The following CCDC85C variants were observed in gnomAD, a reference collection of about 807,000 sequenced individuals.
CCDC85C encodes the protein coiled-coil domain containing 85C.
Under a neutral mutation model 38.3 loss-of-function variants are expected in CCDC85C, and 18 were observed. The ratio of observed to expected loss-of-function variants is 0.47; its 90% CI spans 0.33 to 0.70. CCDC85C has a LOEUF of 0.70. CCDC85C is among the 30% of genes least tolerant of loss of function. The pLI, the probability that CCDC85C is intolerant of heterozygous loss-of-function variation, is 0.03. For missense variants in CCDC85C, 566 were observed against 621.2 expected (o/e 0.91, Z 0.94); for synonymous variants, 264 against 293.8 (o/e 0.90, Z 1.04).
rs1001041073 is a variant in CCDC85C, at chr14:99,520,761, C to A, written c.975+1372G>T. Among the ~76,000 whole-genome samples, 1 of 152,238 alleles carries A rather than the reference C, an allele frequency of 6.6e-6. No homozygotes were observed. The highest frequency in any genetic ancestry group is 1.5e-5 in the Non-Finnish European group (1 of 68,038). On this transcript the variant is annotated intron_variant, in intron 3 of 5. Transcript: ENST00000380243. The surrounding 1 kb of genome is among the most constrained non-coding windows in gnomAD (Gnocchi z 4.1). ...CACTCACCATGGGGCCCTGGCCATC[C>A]ACCCCACCCCTGTGAGCCTCACTTC...
Position 99,515,287 on chromosome 14 carries a change from G to T in CCDC85C, c.1219C>A (p.Arg407=). 1.3e-6 allele frequency: 2 copies of T among 1,550,914 alleles called. No homozygotes were observed. Among genetic ancestry groups the T allele is most frequent in the Non-Finnish European group, 1.7e-6 (2 of 1,146,824 alleles). ...GDAASSKPSI[R]QHLSGNQFKG... ...AACTGGTTCCCAGACAGGTGCTGCC[G>T]TATGGAGGGCTTGGAGCTGGCTGCA... The change falls in exon 6 of 6, where the codon CGG becomes AGG. Residue 407 remains arginine (R), a synonymous_variant. Transcript: ENST00000380243.
intron 1 of CCDC85C, among the ~76,000 whole-genome samples, chr14:99,596,919 T>A (rs2055149180): frequency 6.6e-6 from 1 of 152,062 alleles, no homozygotes; most frequent in East Asian, 1.9e-4. Flanking sequence ...AGCGGCAGCA[T>A]CTCCCACAGG....
At chr14:99,536,191 G>C in intron 1 of CCDC85C, 103 bp from the exon 2 acceptor site, 1 of 811,898 alleles carries the variant, frequency 1.2e-6, no homozygotes, top group East Asian at 2.7e-5. Context: ...GTTTGGGTCT[G>C]AGGAGTCCCA....
At position 99,513,068 on chromosome 14, in the gene CCDC85C, C is replaced by G. The variant is rs1897164487; in HGVS notation, c.*2178G>C. 1 of 152,238 alleles carries G rather than the reference C, an allele frequency of 6.6e-6. No homozygotes were observed. The highest frequency in any genetic ancestry group is 6.5e-5 in the Admixed American group (1 of 15,286). 9.4% of individuals were successfully genotyped at this position (152,238 alleles called of 1,614,324 possible). On this transcript the variant is annotated 3_prime_UTR_variant, in exon 6 of 6. Coordinates refer to ENST00000380243, the MANE Select transcript of CCDC85C (RefSeq NM_001144995.2). The stretch of plus-strand genomic sequence containing the variant: ...GTTCTCAAAGCAATGTTCCACTGAT[C>G]CCTGGATGCCACTGCAGCATTAAAG...
chr14:99,583,849 A>G (rs2055000159), intron 1 of CCDC85C, among the ~76,000 whole-genome samples: 1 of 151,290 alleles, frequency 6.6e-6, no homozygotes, highest in Non-Finnish European at 1.5e-5. Context: ...TAACATACAC[A>G]TGTGATAAAA....
rs184863033 is a variant in CCDC85C at position 99,547,885 on chromosome 14, T to C, written c.794-11797A>G. Among the ~76,000 whole-genome samples, 342 of 151,638 alleles carry C rather than the reference T, an allele frequency of 2.3e-3. 1 individual carries two copies. The highest frequency in any genetic ancestry group is 7.1e-3 in the African/African-American group (295 of 41,332). On this transcript the variant is annotated intron_variant, in intron 1 of 5. Transcript: ENST00000380243. ...ATACACACACATATATATACATATA[T>C]ACACACACACACACATATATACACA...
intron 1 of CCDC85C, among the ~76,000 whole-genome samples, chr14:99,597,190 C>T (rs1470240591): frequency 6.6e-6 from 1 of 152,262 alleles, no homozygotes; most frequent in Admixed American, 6.5e-5. Context: ...CACCACCCCC[C>T]AAGCCAGACT....
At chr14:99,581,569 C>A (rs2054969339) in intron 1 of CCDC85C, among the ~76,000 whole-genome samples, 1 of 152,364 alleles carries the variant, frequency 6.6e-6, no homozygotes, top group South Asian at 2.1e-4. Context: ...ACCCCTGCCT[C>A]GGCCACCGCA....
In CCDC85C at chr14:99,516,424, C is replaced by T. The variant is rs547380744; in HGVS notation, c.1072-138G>A. 2.2e-5 allele frequency: 14 copies of T among 640,370 alleles called. No homozygotes were observed. Among genetic ancestry groups the T allele is most frequent in the African/African-American group, 5.5e-5 (3 of 54,804 alleles). 39.7% of individuals were successfully genotyped at this position (640,370 alleles called of 1,614,324 possible). On this transcript the variant is annotated intron_variant, in intron 4 of 5. Coordinates refer to ENST00000380243, the MANE Select transcript of CCDC85C (RefSeq NM_001144995.2). This position sits in a 1 kb window ranked among gnomAD's most constrained non-coding sequence, Gnocchi z 5.5. The stretch of plus-strand genomic sequence containing the variant: ...GAGCCGCTGGGCCCCTGGGGACAAG[C>T]GTGGAAAAAACTGAGGGGCAGGTTG...
chr14:99,541,305 C>G (rs928931113), intron 1 of CCDC85C, among the ~76,000 whole-genome samples: 2 of 152,188 alleles, frequency 1.3e-5, no homozygotes, highest in African/African-American at 2.4e-5. Flanking sequence ...GCACCCCGCA[C>G]CCCAAGCTGG....
intron 1 of CCDC85C, among the ~76,000 whole-genome samples, chr14:99,568,952 G>A (rs1229707147): frequency 6.6e-6 from 1 of 152,160 alleles, no homozygotes; most frequent in Admixed American, 6.5e-5. Flanking sequence ...GGGTTCTGGA[G>A]GCAGGAGGAA....
At chr14:99,597,341 A>G (rs1046070135) in intron 1 of CCDC85C, among the ~76,000 whole-genome samples, 19 of 152,124 alleles carry the variant, frequency 1.2e-4, no homozygotes, top group African/African-American at 4.6e-4. Flanking sequence ...TCTGGGTTCA[A>G]CCAGATTGGA....
In CCDC85C at chr14:99,569,424, C is replaced by T. The variant is rs1319310056; in HGVS notation, c.794-33336G>A. On this transcript the variant is annotated intron_variant, in intron 1 of 5. Transcript: ENST00000380243. The surrounding 1 kb of genome is among the most constrained non-coding windows in gnomAD (Gnocchi z 4.3). ...GATGTCCACACCTGGGCCCCAGCTC[C>T]GCCAGGCTGCCCTGCCCCACAGAGG... is the stretch of plus-strand genomic sequence containing the variant. 2.0e-5 allele frequency among the ~76,000 whole-genome samples: 3 copies of T among 152,202 alleles called. No individual in the cohort carries two copies. Among genetic ancestry groups the T allele is most frequent in the Admixed American group, 2.0e-4 (3 of 15,288 alleles).
chr14:99,578,310 T>TGC (rs749896006), intron 1 of CCDC85C, among the ~76,000 whole-genome samples: 1 of 72,914 alleles, frequency 1.4e-5, no homozygotes, highest in East Asian at 3.6e-4. Context: ...CCCCCATCAG[T>TGC]GTGTGTGTGT....
rs1898072108 is a variant in CCDC85C at position 99,559,375 on chromosome 14, T to C, written c.794-23287A>G. ...CTGCCATCACAAATGACCATCATAA[T>C]GTGGCCATTCGTGGTAGTGCCGTAG... On this transcript the variant is annotated intron_variant, in intron 1 of 5. Transcript: ENST00000380243. Among the ~76,000 whole-genome samples, 3 of 152,286 alleles carry C rather than the reference T, an allele frequency of 2.0e-5. No homozygotes were observed. The South Asian group carries it at 6.2e-4, about 32-fold the overall frequency.
chr14:99,515,479 A>G (rs1297979785), intron 5 of CCDC85C, 144 bp from the exon 6 acceptor site: 2 of 623,590 alleles, frequency 3.2e-6, no homozygotes, highest in East Asian at 2.8e-5. Context: ...CTGCAGGCCC[A>G]GAGACACCCA....
At position 99,502,903 on chromosome 14, in the gene CCDC85C, A is replaced by G; in HGVS notation, c.*12343T>C. On this transcript the variant is annotated 3_prime_UTR_variant, in exon 6 of 6. Coordinates refer to ENST00000380243, the MANE Select transcript of CCDC85C (RefSeq NM_001144995.2). ...CCCAGCAGAAGGACCCCCAGCAACC[A>G]GCCCAGCAGCAGCAGCCAGCCCAAC... The G allele has an allele frequency of 6.2e-7, 1 of 1,613,636 alleles. No homozygotes were observed. The highest frequency in any genetic ancestry group is 8.5e-7 in the Non-Finnish European group (1 of 1,179,720).
In CCDC85C at chr14:99,503,647, A is replaced by G; in HGVS notation, c.*11599T>C. 5 of 1,558,098 alleles carry G rather than the reference A, an allele frequency of 3.2e-6. 1 individual carries two copies. In the South Asian group the frequency reaches 3.6e-5, roughly 11 times the overall value. On this transcript the variant is annotated 3_prime_UTR_variant, in exon 6 of 6. Coordinates refer to ENST00000380243, the MANE Select transcript of CCDC85C (RefSeq NM_001144995.2). ...CAAAGAAGAGAACAAAGCAGCAGGT[A>G]ATTTCCTGTTCTGATGTTTTTTTAG...
chr14:99,564,033 C>G (rs1006777430), intron 1 of CCDC85C, among the ~76,000 whole-genome samples: 3 of 152,216 alleles, frequency 2.0e-5, no homozygotes, highest in African/African-American at 7.2e-5. Flanking sequence ...AAATTTCCAG[C>G]CTACATGTAC....
Sources: allele counts gnomAD v4.1 joint callset (sites outside exome capture counted in the v4.1 genomes callset), GRCh38; gene constraint gnomAD v4.1.1; non-coding constraint Gnocchi (gnomAD v3.1); transcripts MANE v1.5; gene names NCBI Gene and HGNC (gene_info 2026-07-23, HGNC 2026-07-21).